The following HOMER1 variants were observed in gnomAD, a reference collection of about 807,000 sequenced individuals.
The protein encoded by HOMER1 is homer scaffold protein 1, also known as homer protein homolog 1.
In HOMER1, 3 loss-of-function variants were observed where a neutral mutation model predicts 48.9. The ratio of observed to expected loss-of-function variants is 0.06; its 90% CI spans 0.03 to 0.16. The LOEUF is 0.16. HOMER1 is among the 10% of genes least tolerant of loss of function. The pLI is 1.00. For missense variants in HOMER1, 247 were observed against 411.4 expected, an observed-to-expected ratio of 0.60 and a Z score of 3.46; for synonymous variants, 134 against 146.4, an observed-to-expected ratio of 0.92 and a Z score of 0.61.
intron 1 of HOMER1, among the ~76,000 whole-genome samples, chr5:79,500,467 G>C (rs373684314): frequency 6.6e-6 from 1 of 152,130 alleles, no homozygotes; most frequent in Admixed American, 6.5e-5. Context: ...AAATCACTGA[G>C]GAGAAAGGAT....
intron 8 of HOMER1, among the ~76,000 whole-genome samples, chr5:79,382,701 T>C (rs1749013047): frequency 6.6e-6 from 1 of 152,164 alleles, no homozygotes; most frequent in South Asian, 2.1e-4. Flanking sequence ...ACATTTTCCA[T>C]CCTGAGAGCA....
chr5:79,486,834 GT>G (rs1484131153), intron 1 of HOMER1, among the ~76,000 whole-genome samples: 1 of 152,208 alleles, frequency 6.6e-6, no homozygotes, highest in African/African-American at 2.4e-5. Context: ...ACACTATTGA[GT>G]TTTAAGCAAG....
At chr5:79,461,904 A>C (rs189203792) in intron 1 of HOMER1, among the ~76,000 whole-genome samples, 44 of 152,344 alleles carry the variant, frequency 2.9e-4, no homozygotes, top group Admixed American at 1.8e-3. Flanking sequence ...AATTTTAAAG[A>C]CAAATAGATC....
chr5:79,428,640 C>T lies in HOMER1; in HGVS notation c.527+10370G>A, dbSNP rs1056307021. Among the ~76,000 whole-genome samples, 4 of 152,042 alleles carry T rather than the reference C, an allele frequency of 2.6e-5. No homozygotes were observed. The East Asian group carries it at 7.7e-4, about 29-fold the overall frequency. ...CAACAATCATCCTTCCATATACTAA[C>T]AATGAACAATTCAAAAGTGAAATTA... On this transcript the variant is annotated intron_variant, in intron 5 of 8. Coordinates refer to ENST00000334082, the MANE Select transcript of HOMER1 (RefSeq NM_004272.5).
intron 6 of HOMER1, among the ~76,000 whole-genome samples, chr5:79,401,213 T>C (rs1749529111): frequency 6.6e-6 from 1 of 152,140 alleles, no homozygotes; most frequent in Non-Finnish European, 1.5e-5. Context: ...GACAGTGCAA[T>C]TACACGGCAC....
intron 5 of HOMER1, among the ~76,000 whole-genome samples, chr5:79,404,706 C>A (rs1460191461): frequency 6.6e-6 from 1 of 151,766 alleles, no homozygotes; most frequent in Non-Finnish European, 1.5e-5. Context: ...CCTTTTCTTT[C>A]TTTCTTTCTT....
At chr5:79,380,245 G>GGGAGACTGTGTGACAGCACTGCTC (rs1255461062) in intron 8 of HOMER1, among the ~76,000 whole-genome samples, 2 of 152,150 alleles carry the variant, frequency 1.3e-5, no homozygotes, top group Admixed American at 6.5e-5. Context: ...TAACACTGCT[G>GGGAGACTGTGTGACAGCACTGCTC]GGAGACTGTG....
Position 79,375,945 on chromosome 5 carries a change from T to A in HOMER1, c.*64A>T. ...TTTTGTGCAATCTTGATGCAGAGCC[T>A]AAACAGTCCTATGAAGAGAGACAGT... On this transcript the variant is annotated 3_prime_UTR_variant, in exon 9 of 9. Coordinates refer to ENST00000334082, the MANE Select transcript of HOMER1 (RefSeq NM_004272.5). 26 of 735,962 alleles carry A rather than the reference T, an allele frequency of 3.5e-5. No individual in the cohort carries two copies. The highest frequency in any genetic ancestry group is 5.0e-5 in the Non-Finnish European group (24 of 484,212). 45.6% of individuals were successfully genotyped at this position (735,962 alleles called of 1,614,324 possible).
chr5:79,448,045 A>C (rs1157531373), intron 3 of HOMER1, among the ~76,000 whole-genome samples: 1 of 152,176 alleles, frequency 6.6e-6, no homozygotes, highest in East Asian at 1.9e-4. Context: ...TTTTGGAAGG[A>C]AAGGCCTGTG....
intron 6 of HOMER1, among the ~76,000 whole-genome samples, chr5:79,398,157 T>C (rs1005291628): frequency 3.9e-5 from 6 of 152,092 alleles, no homozygotes; most frequent in Non-Finnish European, 8.8e-5. Flanking sequence ...AAGATAAAAT[T>C]TTGTTAGTCA....
chr5:79,474,033 T>C (rs956069566), intron 1 of HOMER1, among the ~76,000 whole-genome samples: 21 of 152,048 alleles, frequency 1.4e-4, no homozygotes, highest in African/African-American at 4.8e-4. Context: ...AATTTTCTTT[T>C]TTAAAAAAGA....
rs1056943933 is a variant in HOMER1, at chr5:79,404,127, C to T, written c.528-2072G>A. Among the ~76,000 whole-genome samples, 4 of 152,200 alleles carry T rather than the reference C, an allele frequency of 2.6e-5. No individual in the cohort carries two copies. In the East Asian group the frequency reaches 7.7e-4, roughly 29 times the overall value. On this transcript the variant is annotated intron_variant, in intron 5 of 8. Coordinates refer to ENST00000334082, the MANE Select transcript of HOMER1 (RefSeq NM_004272.5). ...ATGGAAACTTCAATCTGACGATTGA[C>T]ATCTTAGTGAACTAATTTAAACACT...
intron 5 of HOMER1, among the ~76,000 whole-genome samples, chr5:79,433,778 T>C (rs901053167): frequency 7.2e-5 from 11 of 152,154 alleles, no homozygotes; most frequent in African/African-American, 1.9e-4. Flanking sequence ...TTCTAAAACT[T>C]TGATGATAAA....
Position 79,512,823 on chromosome 5 carries a change from A to G in HOMER1, c.-49T>C, listed in dbSNP as rs756407403. 9 of 1,598,316 alleles carry G rather than the reference A, an allele frequency of 5.6e-6. No individual in the cohort carries two copies. Among genetic ancestry groups the G allele is most frequent in the African/African-American group, 1.3e-5 (1 of 74,572 alleles). On this transcript the variant is annotated 5_prime_UTR_variant, in exon 1 of 9. Transcript: ENST00000334082. ...GAAGTTTCAGCTCTTATGCTACGGA[A>G]TAACTTCCAAAGGAATTTCTCCGTC...
At chr5:79,462,771 C>T (rs781342080) in intron 1 of HOMER1, among the ~76,000 whole-genome samples, 1 of 152,144 alleles carries the variant, frequency 6.6e-6, no homozygotes, top group Non-Finnish European at 1.5e-5. Flanking sequence ...TTTACAGTTA[C>T]CAATGAAGTC....
At chr5:79,424,826 C>A (rs941576369) in intron 5 of HOMER1, among the ~76,000 whole-genome samples, 1 of 152,018 alleles carries the variant, frequency 6.6e-6, no homozygotes, top group East Asian at 1.9e-4. Context: ...TGATTTTCAA[C>A]CAACAGAAAT....
chr5:79,406,784 T>C (rs1384330817), intron 5 of HOMER1, among the ~76,000 whole-genome samples: 2 of 152,094 alleles, frequency 1.3e-5, no homozygotes, highest in Admixed American at 1.3e-4. Context: ...CTCTAACCTG[T>C]GGGACAGAGG....
intron 1 of HOMER1, among the ~76,000 whole-genome samples, chr5:79,473,833 T>C (rs574925094): frequency 6.6e-6 from 1 of 152,260 alleles, no homozygotes; most frequent in South Asian, 2.1e-4. Context: ...TTTATTCCAA[T>C]ACTAAGTATG....
chr5:79,422,208 C>A (rs560087442), intron 5 of HOMER1, among the ~76,000 whole-genome samples: 1 of 151,028 alleles, frequency 6.6e-6, no homozygotes, highest in Non-Finnish European at 1.5e-5. Context: ...GCCTGGGTGA[C>A]AGAGGGAGGC....
Sources: allele counts gnomAD v4.1 joint callset (sites outside exome capture counted in the v4.1 genomes callset), GRCh38; gene constraint gnomAD v4.1.1; transcripts MANE v1.5; gene names NCBI Gene and HGNC (gene_info 2026-07-23, HGNC 2026-07-21).